KANK1: variants seen among roughly 807,000 people sequenced by gnomAD.
KANK1 encodes KN motif and ankyrin repeat domain-containing protein 1.
A neutral mutation model predicts 106.2 loss-of-function variants in KANK1; 109 were observed. The ratio of observed to expected loss-of-function variants is 1.03; its 90% confidence interval spans 0.88 to 1.20. KANK1 has a LOEUF of 1.20. KANK1 is among the 50% of genes most tolerant of loss of function. KANK1 has a pLI of 0.00. For missense variants in KANK1, 2,399 were observed against 1,710.7 expected, an observed-to-expected ratio of 1.40 and a Z score of -7.10; for synonymous variants, 873 against 652.2, an observed-to-expected ratio of 1.34 and a Z score of -5.16.
At chr9:509,512 T>A (rs2058934942) in intron 1 of KANK1, among the ~76,000 whole-genome samples, 1 of 152,252 alleles carries the variant, frequency 6.6e-6, no homozygotes, top group African/African-American at 2.4e-5. Flanking sequence ...TTTTGTATTT[T>A]GTTTCTTAAC....
chr9:513,411 G>A (rs1053855743), intron 1 of KANK1, among the ~76,000 whole-genome samples: 1 of 152,098 alleles, frequency 6.6e-6, no homozygotes, highest in African/African-American at 2.4e-5. Context: ...AACTCTGTTG[G>A]AGGTGTTTTG....
intron 1 of KANK1, among the ~76,000 whole-genome samples, chr9:629,401 CAT>C (rs1354238164): frequency 2.0e-5 from 3 of 152,108 alleles, no homozygotes; most frequent in African/African-American, 7.2e-5. Context: ...CTGGTGCACA[CAT>C]GTGACAGAAA....
intron 1 of KANK1, among the ~76,000 whole-genome samples, chr9:542,043 C>A (rs1349908491): frequency 6.6e-6 from 1 of 151,426 alleles, no homozygotes; most frequent in African/African-American, 2.4e-5. Flanking sequence ...GAGCCGAGAT[C>A]GCGCCACTGC....
intron 6 of KANK1, chr9:733,464 G>A (rs1157769760): frequency 3.9e-5 from 6 of 152,072 alleles, no homozygotes; most frequent in Non-Finnish European, 8.8e-5. Flanking sequence ...CTTTTCATAT[G>A]GGTTAAACAC....
chr9:705,853 G>T (rs901500646), intron 2 of KANK1, among the ~76,000 whole-genome samples: 48 of 151,872 alleles, frequency 3.2e-4, no homozygotes, highest in African/African-American at 9.4e-4. Flanking sequence ...CACCCTCCTC[G>T]GTCTCCCAAA....
intron 1 of KANK1, among the ~76,000 whole-genome samples, chr9:577,873 C>T (rs1013279192): frequency 1.3e-5 from 2 of 152,172 alleles, no homozygotes; most frequent in Non-Finnish European, 2.9e-5. Flanking sequence ...GAAAGTAAAG[C>T]TGTTTCACCT....
At chr9:486,017 C>T (rs969399362) in intron 3 of KANK1, among the ~76,000 whole-genome samples, 1 of 152,104 alleles carries the variant, frequency 6.6e-6, no homozygotes, top group Non-Finnish European at 1.5e-5. Context: ...AGAAGTTTCC[C>T]GTTGTCTTTA....
intron 3 of KANK1, among the ~76,000 whole-genome samples, chr9:721,630 G>A (rs190319446): frequency 1.4e-4 from 22 of 152,244 alleles, no homozygotes; most frequent in African/African-American, 4.8e-4. Flanking sequence ...CACTTTTTTG[G>A]ATAAGGTCAT....
intron 1 of KANK1, among the ~76,000 whole-genome samples, chr9:647,027 T>C (rs1839824510): frequency 6.6e-6 from 1 of 150,990 alleles, no homozygotes; most frequent in Non-Finnish European, 1.5e-5. Flanking sequence ...ATCACTTCCC[T>C]TGCTATAGGA....
At chr9:592,026 C>T (rs1015360354) in intron 1 of KANK1, among the ~76,000 whole-genome samples, 5 of 151,762 alleles carry the variant, frequency 3.3e-5, no homozygotes, top group African/African-American at 9.7e-5. Flanking sequence ...ACCATAGGGG[C>T]AGGGACCTTG....
At chr9:540,904 G>T (rs2060560778) in intron 1 of KANK1, among the ~76,000 whole-genome samples, 1 of 152,006 alleles carries the variant, frequency 6.6e-6, no homozygotes. Flanking sequence ...TTTTAGTTCA[G>T]CTAAAGGTTT....
chr9:642,504 G>C (rs967358539), intron 1 of KANK1, among the ~76,000 whole-genome samples: 2 of 150,998 alleles, frequency 1.3e-5, no homozygotes, highest in Admixed American at 6.6e-5. Flanking sequence ...GCTAATCTTG[G>C]TAGTGCATAA....
intron 6 of KANK1, chr9:734,510 A>C (rs1833214833): frequency 5.4e-6 from 2 of 370,410 alleles, no homozygotes; most frequent in Non-Finnish European, 5.1e-6. Context: ...CACTAAAAAT[A>C]CAAAAATTAG....
At chr9:515,904 G>C (rs188658534) in intron 1 of KANK1, among the ~76,000 whole-genome samples, 21 of 151,856 alleles carry the variant, frequency 1.4e-4, no homozygotes, top group Admixed American at 1.3e-3. Flanking sequence ...AGTTCGTTTT[G>C]ATTTATTTCC....
At chr9:731,484 A>G (rs1832244421) in intron 5 of KANK1, 1 of 406,662 alleles carries the variant, frequency 2.5e-6, no homozygotes, top group Non-Finnish European at 4.5e-6. Context: ...GATGAAGCTG[A>G]GCGGTTTACA....
intron 2 of KANK1, among the ~76,000 whole-genome samples, chr9:688,570 G>C (rs1298593506): frequency 6.6e-6 from 1 of 150,862 alleles, no homozygotes; most frequent in Non-Finnish European, 1.5e-5. Context: ...CTGCACTTCA[G>C]CCTGAGCGAC....
intron 1 of KANK1, among the ~76,000 whole-genome samples, chr9:571,585 A>G (rs1427581921): frequency 6.6e-6 from 1 of 152,168 alleles, no homozygotes; most frequent in African/African-American, 2.4e-5. Flanking sequence ...AAAATTTTAA[A>G]AACGTTTTTT....
chr9:492,880 C>T (rs971032457), intron 3 of KANK1, among the ~76,000 whole-genome samples: 15 of 151,766 alleles, frequency 9.9e-5, no homozygotes, highest in Admixed American at 4.6e-4. Context: ...CAAAATTAGC[C>T]GGGCGTGGTG....
chr9:679,311 T>A (rs935005728), intron 2 of KANK1, among the ~76,000 whole-genome samples: 2 of 152,134 alleles, frequency 1.3e-5, no homozygotes, highest in Non-Finnish European at 2.9e-5. Context: ...TACATATATG[T>A]GTGTATGTGT....
Sources: allele counts gnomAD v4.1 joint callset (sites outside exome capture counted in the v4.1 genomes callset), GRCh38; gene constraint gnomAD v4.1.1; transcripts MANE v1.5; gene names NCBI Gene and HGNC (gene_info 2026-07-23, HGNC 2026-07-21).